AKAP6: variants seen among roughly 807,000 people sequenced by gnomAD.
The protein encoded by AKAP6 is A-kinase anchor protein 6.
AKAP6 carries 58 observed loss-of-function variants against 188.5 expected under a neutral mutation model. That is an observed-to-expected ratio of 0.31 (90% CI 0.25 to 0.38). The LOEUF is 0.38. Among genes scored for constraint, AKAP6 ranks in the 10% least tolerant of loss-of-function variants. The probability of loss-of-function intolerance (pLI) is 1.00; values close to 1 mark genes in which losing one functional copy is unlikely to be tolerated. For missense variants in AKAP6, 2,710 were observed against 2,740.0 expected (o/e 0.99, Z 0.24); for synonymous variants, 989 against 998.6 (o/e 0.99, Z 0.18).
intron 7 of AKAP6, among the ~76,000 whole-genome samples, chr14:32,616,008 A>G (rs1027458495): frequency 9.2e-5 from 14 of 152,234 alleles, no homozygotes; most frequent in African/African-American, 2.7e-4. Flanking sequence ...TGGTTACCAA[A>G]TAAGTCCCTG....
chr14:32,788,880 C>T (rs1343639476), intron 12 of AKAP6, among the ~76,000 whole-genome samples: 22 of 152,174 alleles, frequency 1.4e-4, no homozygotes, highest in Admixed American at 1.3e-3. Context: ...TCTGCGGGCC[C>T]CACTTCCACG....
Position 32,824,045 on chromosome 14 carries a change from G to A in AKAP6, c.6232G>A (p.Glu2078Lys), listed in dbSNP as rs1180001829. The stretch of plus-strand genomic sequence containing the variant: ...AGCCCTAAAAAGTAAATCTCAACCT[G>A]AAAACGAGGTGGCTGCTCCTACTTC... The part of the protein sequence containing the change: ...STALKSKSQP[E>K]NEVAAPTSLT... Residue 2078 changes from glutamate to lysine, a missense_variant, in exon 13 of 14, where the codon GAA becomes AAA. By Grantham distance (56) the Glu-to-Lys change is moderately conservative (BLOSUM62 1). Transcript: ENST00000280979. 2 of 1,613,912 alleles carry A rather than the reference G, an allele frequency of 1.2e-6. No homozygotes were observed. Among genetic ancestry groups the A allele is most frequent in the Non-Finnish European group, 1.7e-6 (2 of 1,179,928 alleles).
rs777365282 is a variant in AKAP6, at chr14:32,830,248, A to ATT, written c.*451_*452dup. The ATT allele has an allele frequency of 1.5e-5, 5 of 329,038 alleles. No individual in the cohort carries two copies. Among genetic ancestry groups the ATT allele is most frequent in the African/African-American group, 2.1e-5 (1 of 46,688 alleles). The allele number at this position is 329,038 out of a possible 1,614,324, so 20.4% of individuals were successfully genotyped here. On this transcript the variant is annotated 3_prime_UTR_variant, in exon 14 of 14. Transcript: ENST00000280979. ...TGACCAATTTCATGTATCAATCTGGATTTTTTTTTAACGGTATAATGACTG... is the reference window on the plus strand; with the variant it reads ...TGACCAATTTCATGTATCAATCTGGATTTTTTTTTTTAACGGTATAATGACTG...
chr14:32,337,489 A>G (rs1594515423), intron 1 of AKAP6, among the ~76,000 whole-genome samples: 1 of 152,324 alleles, frequency 6.6e-6, no homozygotes, highest in East Asian at 1.9e-4. Flanking sequence ...AGAACAAATA[A>G]AGAATCAGAT....
At chr14:32,694,013 T>G (rs1173823154) in intron 8 of AKAP6, among the ~76,000 whole-genome samples, 1 of 152,144 alleles carries the variant, frequency 6.6e-6, no homozygotes, top group African/African-American at 2.4e-5. Flanking sequence ...TCTTTCGAAA[T>G]GGGATACTAG....
At chr14:32,668,518 A>T (rs1889044416) in intron 7 of AKAP6, among the ~76,000 whole-genome samples, 1 of 152,164 alleles carries the variant, frequency 6.6e-6, no homozygotes, top group African/African-American at 2.4e-5. Flanking sequence ...AACAAATATC[A>T]TTAAGGAAAC....
chr14:32,824,749 A>G lies in AKAP6; in HGVS notation c.6936A>G (p.Lys2312=). 6.2e-7 allele frequency: 1 copy of G among 1,612,116 alleles called. No homozygotes were observed. ...AAAATCTTCTAAACCTTCATGAAAA[A>G]CGACATAGAAATATGCATAGGTAGA... ...CEENLLNLHE[K]RHRNMHR The change falls in exon 13 of 14, where the codon AAA becomes AAG. Residue 2312 remains lysine, a synonymous_variant. Transcript: ENST00000280979.
At chr14:32,718,666 GT>G (rs2030361710) in intron 9 of AKAP6, among the ~76,000 whole-genome samples, 2 of 152,084 alleles carry the variant, frequency 1.3e-5, no homozygotes, top group Admixed American at 6.6e-5. Context: ...TTTGTTCATG[GT>G]TTCTGTCTGA....
At chr14:32,491,785 A>G (rs1880030337) in intron 2 of AKAP6, among the ~76,000 whole-genome samples, 1 of 152,210 alleles carries the variant, frequency 6.6e-6, no homozygotes. Flanking sequence ...AGGTTGTACA[A>G]ATTTTATGTA....
chr14:32,551,300 C>T (rs532167056), intron 4 of AKAP6, among the ~76,000 whole-genome samples: 3 of 152,174 alleles, frequency 2.0e-5, no homozygotes, highest in South Asian at 4.2e-4. Context: ...AGCTGGGCGC[C>T]GTGGCTCATG....
intron 7 of AKAP6, among the ~76,000 whole-genome samples, chr14:32,653,389 G>T (rs903162897): frequency 1.3e-5 from 2 of 152,106 alleles, no homozygotes; most frequent in African/African-American, 4.8e-5. Context: ...CTCATGGCTT[G>T]GTGCTATCTT....
At chr14:32,449,317 TG>T (rs1377809290) in intron 2 of AKAP6, among the ~76,000 whole-genome samples, 1 of 151,928 alleles carries the variant, frequency 6.6e-6, no homozygotes, top group African/African-American at 2.4e-5. Flanking sequence ...AGACCAGCCT[TG>T]CCAATGTGGT....
At chr14:32,673,008 C>G (rs1434230257) in intron 7 of AKAP6, among the ~76,000 whole-genome samples, 7 of 152,194 alleles carry the variant, frequency 4.6e-5, no homozygotes, top group African/African-American at 1.7e-4. Context: ...CTGGCATCCT[C>G]CATCGTCTAT....
intron 7 of AKAP6, among the ~76,000 whole-genome samples, chr14:32,664,626 T>C (rs1888841892): frequency 6.6e-6 from 1 of 152,150 alleles, no homozygotes; most frequent in Non-Finnish European, 1.5e-5. Flanking sequence ...CATACACGCA[T>C]GCTCTTTTCA....
chr14:32,576,225 A>C (rs768912147), intron 4 of AKAP6, among the ~76,000 whole-genome samples: 1 of 152,128 alleles, frequency 6.6e-6, no homozygotes, highest in Non-Finnish European at 1.5e-5. Flanking sequence ...GGGAAACGGC[A>C]TCTCAACCCA....
chr14:32,335,491 C>G lies in AKAP6; in HGVS notation c.-35+6083C>G, dbSNP rs146865653. Among the ~76,000 whole-genome samples the G allele has an allele frequency of 9.5e-4, 145 of 152,168 alleles. 3 individuals carry two copies. The East Asian group carries it at 0.026, about 28-fold the overall frequency. ...TGTAGTGCTTAGAAAAACTAAGGGA[C>G]CATTGTCAAAACAACCCAGAGCAAG... On this transcript the variant is annotated intron_variant, in intron 1 of 13. Transcript: ENST00000280979.
intron 5 of AKAP6, among the ~76,000 whole-genome samples, chr14:32,598,678 C>A (rs1045163257): frequency 6.6e-6 from 1 of 151,850 alleles, no homozygotes; most frequent in African/African-American, 2.4e-5. Context: ...ATATAAGGAG[C>A]GGAGAGGGGG....
At chr14:32,534,472 G>A (rs1348017545) in intron 2 of AKAP6, among the ~76,000 whole-genome samples, 1 of 152,196 alleles carries the variant, frequency 6.6e-6, no homozygotes, top group Non-Finnish European at 1.5e-5. Flanking sequence ...AAGAACAAGT[G>A]ACATGTCAGA....
intron 7 of AKAP6, among the ~76,000 whole-genome samples, chr14:32,651,696 C>A (rs1345353287): frequency 6.6e-6 from 1 of 152,094 alleles, no homozygotes; most frequent in East Asian, 1.9e-4. Flanking sequence ...AATGCTAAGC[C>A]CTCATGACTT....
Sources: gnomAD v4.1 joint callset for allele counts (sites outside exome capture counted in the v4.1 genomes callset) on GRCh38, gnomAD v4.1.1 for gene constraint, MANE v1.5 for transcripts, NCBI Gene and HGNC (gene_info 2026-07-23, HGNC 2026-07-21) for gene names.